The following NUDT3 variants were observed in gnomAD, a reference collection of about 807,000 sequenced individuals.
NUDT3 encodes diphosphoinositol polyphosphate phosphohydrolase 1.
NUDT3 carries 9 observed loss-of-function variants against 23.6 expected under a neutral mutation model. That is an observed-to-expected ratio of 0.38 (90% CI 0.23 to 0.66). NUDT3 has a LOEUF of 0.66. NUDT3 is among the 30% of genes least tolerant of loss of function. The probability of loss-of-function intolerance (pLI) is 0.52; values close to 1 mark genes in which losing one functional copy is unlikely to be tolerated. For missense variants in NUDT3, 172 were observed against 218.5 expected (o/e 0.79, Z 1.34); for synonymous variants, 86 against 82.6 (o/e 1.04, Z -0.22).
chr6:34,391,523 T>C (rs371039541), intron 1 of NUDT3, among the ~76,000 whole-genome samples: 1 of 152,158 alleles, frequency 6.6e-6, no homozygotes, highest in Non-Finnish European at 1.5e-5. Context: ...CCTAGCTAAT[T>C]TAATCCTAAG....
Position 34,285,231 on chromosome 6 carries a change from G to T in NUDT3, c.*3522C>A, listed in dbSNP as rs905661774. On this transcript the variant is annotated 3_prime_UTR_variant, in exon 5 of 5. Coordinates refer to ENST00000607016, the MANE Select transcript of NUDT3 (RefSeq NM_006703.4). ...TGCTGTGAGGAAAATTAAGATTCCT[G>T]TTGTATGGGCTGCACTGTTTCTGGA... 1.2e-4 allele frequency: 18 copies of T among 152,198 alleles called. No homozygotes were observed. Among genetic ancestry groups the T allele is most frequent in the African/African-American group, 3.9e-4 (16 of 41,450 alleles). 9.4% of individuals were successfully genotyped at this position (152,198 alleles called of 1,614,324 possible).
At chr6:34,385,140 G>A (rs1366834602) in intron 1 of NUDT3, among the ~76,000 whole-genome samples, 2 of 151,686 alleles carry the variant, frequency 1.3e-5, no homozygotes, top group Non-Finnish European at 2.9e-5. Context: ...TATATTATGT[G>A]CAAAGAGGAA....
At chr6:34,335,863 C>T (rs1764201344) in intron 2 of NUDT3, among the ~76,000 whole-genome samples, 1 of 151,652 alleles carries the variant, frequency 6.6e-6, no homozygotes, top group African/African-American at 2.4e-5. Flanking sequence ...GCTGGGACTA[C>T]AGGCCCATAC....
At chr6:34,371,138 C>T (rs1205160838) in intron 1 of NUDT3, among the ~76,000 whole-genome samples, 2 of 150,014 alleles carry the variant, frequency 1.3e-5, no homozygotes, top group East Asian at 2.0e-4. Context: ...AGTCTAATAC[C>T]GCTTTGCTGT....
chr6:34,371,910 C>G (rs1764836788), intron 1 of NUDT3, among the ~76,000 whole-genome samples: 1 of 152,180 alleles, frequency 6.6e-6, no homozygotes, highest in South Asian at 2.1e-4. Context: ...CACACTACAA[C>G]AGGCCCCGGT....
intron 1 of NUDT3, among the ~76,000 whole-genome samples, chr6:34,375,943 C>A (rs1024665828): frequency 5.3e-5 from 8 of 152,136 alleles, no homozygotes; most frequent in Non-Finnish European, 1.2e-4. Flanking sequence ...TGCCATGATG[C>A]CCCAAGCTCA....
intron 1 of NUDT3, among the ~76,000 whole-genome samples, chr6:34,363,819 C>T (rs1172104954): frequency 6.6e-6 from 1 of 151,712 alleles, no homozygotes; most frequent in African/African-American, 2.4e-5. Flanking sequence ...GTCACCCAGG[C>T]TGGAGTGCAG....
At chr6:34,294,056 T>C (rs1233803312) in intron 3 of NUDT3, among the ~76,000 whole-genome samples, 1 of 152,214 alleles carries the variant, frequency 6.6e-6, no homozygotes, top group Non-Finnish European at 1.5e-5. Context: ...GGCATGATCA[T>C]GGCTCACCAC....
chr6:34,377,996 G>T (rs956655869), intron 1 of NUDT3, among the ~76,000 whole-genome samples: 5 of 151,892 alleles, frequency 3.3e-5, no homozygotes, highest in African/African-American at 1.2e-4. Flanking sequence ...TTAGCATGAA[G>T]AAATTTTTAC....
At chr6:34,318,959 T>C (rs1763899969) in intron 2 of NUDT3, among the ~76,000 whole-genome samples, 1 of 151,698 alleles carries the variant, frequency 6.6e-6, no homozygotes, top group Non-Finnish European at 1.5e-5. Flanking sequence ...CACAGAAAGT[T>C]AGAAGATTTA....
chr6:34,383,494 C>T (rs577048395), intron 1 of NUDT3, among the ~76,000 whole-genome samples: 94 of 152,242 alleles, frequency 6.2e-4, no homozygotes, highest in South Asian at 3.5e-3. Context: ...CTCAAGCGAT[C>T]CTCCCACGTA....
In NUDT3 at chr6:34,357,528, C is replaced by T. The variant is rs148322116; in HGVS notation, c.100-15556G>A. On this transcript the variant is annotated intron_variant, in intron 1 of 4. Coordinates refer to ENST00000607016, the MANE Select transcript of NUDT3 (RefSeq NM_006703.4). ...ACTAGGGAGGCTGAGGTGGGAGGAG[C>T]GCCTGAGCCTGGGAGGCTGAGGCTG... is the stretch of plus-strand genomic sequence containing the variant. 7.5e-3 allele frequency among the ~76,000 whole-genome samples: 1,131 copies of T among 151,658 alleles called. 13 individuals carry two copies. The highest frequency in any genetic ancestry group is 0.024 in the Middle Eastern group (7 of 294).
chr6:34,329,374 G>A (rs1464684496), intron 2 of NUDT3, among the ~76,000 whole-genome samples: 2 of 152,080 alleles, frequency 1.3e-5, no homozygotes, highest in Non-Finnish European at 2.9e-5. Flanking sequence ...TCCACTGCCC[G>A]GGTTCAAGCG....
chr6:34,357,188 G>A (rs1338379777), intron 1 of NUDT3, among the ~76,000 whole-genome samples: 1 of 152,172 alleles, frequency 6.6e-6, no homozygotes, highest in African/African-American at 2.4e-5. Context: ...AGTGGAGGGG[G>A]AGGAGTGATT....
intron 1 of NUDT3, among the ~76,000 whole-genome samples, chr6:34,377,832 CAAA>C (rs774757508): frequency 6.5e-5 from 4 of 61,584 alleles, no homozygotes; most frequent in Non-Finnish European, 6.9e-5. Context: ...GACTCCGTCT[CAAA>C]AAAAAAAAAA....
At chr6:34,297,759 A>ATATATATGT (rs60517827) in intron 2 of NUDT3, among the ~76,000 whole-genome samples, 2 of 71,132 alleles carry the variant, frequency 2.8e-5, no homozygotes, top group Non-Finnish European at 5.2e-5. Flanking sequence ...ATATATATAT[A>ATATATATGT]ATTTTTTTTT....
chr6:34,351,189 T>A (rs368630032), intron 1 of NUDT3, among the ~76,000 whole-genome samples: 1 of 22,088 alleles, frequency 4.5e-5, no homozygotes, highest in Non-Finnish European at 8.0e-5. Flanking sequence ...GTCTCTACAC[T>A]CCCCTGCCTA....
In NUDT3 at chr6:34,280,523, A is replaced by G. The variant is rs542086989; in HGVS notation, c.*8230T>C. 10 of 152,342 alleles carry G rather than the reference A, an allele frequency of 6.6e-5. 1 individual carries two copies. Among genetic ancestry groups the G allele is most frequent in the Admixed American group, 6.5e-4 (10 of 15,308 alleles). The allele number at this position is 152,342 out of a possible 1,614,324, so 9.4% of individuals were successfully genotyped here. On this transcript the variant is annotated 3_prime_UTR_variant, in exon 5 of 5. Transcript: ENST00000607016. Reference sequence around the variant, plus strand: ...TGACCTCTCTTTCCCTACAAGCACCATTCCTTGGATTCCCAGTTTTGTTGA... The same window carrying G: ...TGACCTCTCTTTCCCTACAAGCACCGTTCCTTGGATTCCCAGTTTTGTTGA...
At chr6:34,375,511 A>C (rs1274844237) in intron 1 of NUDT3, among the ~76,000 whole-genome samples, 1 of 152,270 alleles carries the variant, frequency 6.6e-6, no homozygotes, top group African/African-American at 2.4e-5. Context: ...TCCCCTTATA[A>C]AACTATCACT....
Sources: allele counts gnomAD v4.1 joint callset (sites outside exome capture counted in the v4.1 genomes callset), GRCh38; gene constraint gnomAD v4.1.1; transcripts MANE v1.5; gene names NCBI Gene and HGNC (gene_info 2026-07-23, HGNC 2026-07-21).